KLHL20: variants seen among roughly 807,000 people sequenced by gnomAD.
The protein encoded by KLHL20 is kelch-like protein 20.
KLHL20 carries 29 observed loss-of-function variants against 69.5 expected under a neutral mutation model. The ratio of observed to expected loss-of-function variants is 0.42; its 90% CI spans 0.31 to 0.57. KLHL20 has a LOEUF of 0.57. KLHL20 is among the 20% of genes least tolerant of loss of function. The pLI is 0.18. For missense variants in KLHL20, 419 were observed against 776.0 expected, an observed-to-expected ratio of 0.54 and a Z score of 5.47; for synonymous variants, 253 against 265.2, an observed-to-expected ratio of 0.95 and a Z score of 0.45.
Position 173,735,200 on chromosome 1 carries a change from C to A in KLHL20, c.597+914C>A, listed in dbSNP as rs113130143. ...GTGGCACATGCCTGTGATCCCAGCA[C>A]TTTGGGAGGCTGAGGCGGGCAGATT... is the stretch of plus-strand genomic sequence containing the variant. On this transcript the variant is annotated intron_variant, in intron 3 of 11. Transcript: ENST00000209884. Among the ~76,000 whole-genome samples the A allele has an allele frequency of 9.3e-3, 1,412 of 152,296 alleles. 21 individuals carry two copies. The highest frequency in any genetic ancestry group is 0.031 in the African/African-American group (1,285 of 41,560).
chr1:173,753,341 C>T, intron 5 of KLHL20, 34 bp downstream of exon 5: 3 of 1,449,812 alleles, frequency 2.1e-6, no homozygotes, highest in Non-Finnish European at 2.9e-6. Context: ...AAATCAACAA[C>T]TAAGCATTCC....
intron 10 of KLHL20, among the ~76,000 whole-genome samples, chr1:173,777,415 C>T (rs533659442): frequency 6.6e-6 from 1 of 152,192 alleles, no homozygotes; most frequent in East Asian, 1.9e-4. Flanking sequence ...TTTCTTTTGT[C>T]CCATTGCTCT....
intron 8 of KLHL20, among the ~76,000 whole-genome samples, chr1:173,773,599 A>G (rs1346445421): frequency 6.6e-6 from 1 of 152,106 alleles, no homozygotes; most frequent in Non-Finnish European, 1.5e-5. Flanking sequence ...AGAGAGTAAC[A>G]GCCATCACCC....
At chr1:173,752,852 A>G (rs1423809600) in intron 4 of KLHL20, among the ~76,000 whole-genome samples, 1 of 152,150 alleles carries the variant, frequency 6.6e-6, no homozygotes, top group Admixed American at 6.5e-5. Context: ...TAAATAGCTT[A>G]TAGATGAGAG....
chr1:173,771,910 T>C (rs1414319802), intron 8 of KLHL20, among the ~76,000 whole-genome samples: 2 of 152,252 alleles, frequency 1.3e-5, no homozygotes, highest in Admixed American at 6.5e-5. Flanking sequence ...TATTCTGTTA[T>C]GTGTATAAAT....
intron 8 of KLHL20, among the ~76,000 whole-genome samples, chr1:173,766,596 C>A (rs1647728172): frequency 6.7e-6 from 1 of 148,210 alleles, no homozygotes; most frequent in African/African-American, 2.5e-5. Context: ...GAGCTGAGAT[C>A]ACGCCACTGT....
intron 8 of KLHL20, among the ~76,000 whole-genome samples, chr1:173,769,725 G>A (rs543438338): frequency 6.7e-6 from 1 of 148,234 alleles, no homozygotes; most frequent in East Asian, 2.0e-4. Flanking sequence ...AGGCTGCAGT[G>A]AGCCATGATT....
chr1:173,774,582 C>T, intron 9 of KLHL20, 144 bp downstream of exon 9: 1 of 769,472 alleles, frequency 1.3e-6, no homozygotes, highest in East Asian at 2.6e-5. Flanking sequence ...GAGTGCAGCT[C>T]TCAGCTCTTC....
At chr1:173,731,482 G>C (rs1235081256) in intron 2 of KLHL20, among the ~76,000 whole-genome samples, 2 of 152,122 alleles carry the variant, frequency 1.3e-5, no homozygotes, top group Non-Finnish European at 2.9e-5. Context: ...GTCCAACAGT[G>C]ATAGCCTGAA....
intron 9 of KLHL20, among the ~76,000 whole-genome samples, chr1:173,774,740 C>CAAAAA (rs10631783): frequency 5.9e-5 from 9 of 151,824 alleles, no homozygotes; most frequent in Non-Finnish European, 8.8e-5. Context: ...AACTTCTCCT[C>CAAAAA]AAAACCACAA....
intron 4 of KLHL20, among the ~76,000 whole-genome samples, chr1:173,752,316 C>T (rs941599209): frequency 6.6e-6 from 1 of 151,658 alleles, no homozygotes; most frequent in Non-Finnish European, 1.5e-5. Context: ...ACTCCACATT[C>T]GTCTGTAAGA....
At chr1:173,730,646 C>A (rs1339358476) in intron 2 of KLHL20, among the ~76,000 whole-genome samples, 2 of 152,142 alleles carry the variant, frequency 1.3e-5, no homozygotes, top group Non-Finnish European at 2.9e-5. Context: ...ATAAATGGTG[C>A]TGGGAAAACT....
intron 8 of KLHL20, among the ~76,000 whole-genome samples, chr1:173,772,297 C>T (rs976460237): frequency 7.2e-5 from 11 of 152,130 alleles, no homozygotes; most frequent in African/African-American, 2.2e-4. Context: ...TGTCAAAGAC[C>T]GCTAAGAGTC....
At chr1:173,764,962 G>A (rs928841602) in intron 7 of KLHL20, among the ~76,000 whole-genome samples, 5 of 152,096 alleles carry the variant, frequency 3.3e-5, no homozygotes, top group Non-Finnish European at 5.9e-5. Context: ...TAACAATTTA[G>A]CCTATATATG....
chr1:173,732,277 G>A (rs969550123), intron 2 of KLHL20, among the ~76,000 whole-genome samples: 7 of 150,918 alleles, frequency 4.6e-5, no homozygotes, highest in African/African-American at 1.7e-4. Context: ...AGGAGTTCAA[G>A]ACCAGCGTGG....
intron 4 of KLHL20, among the ~76,000 whole-genome samples, chr1:173,752,124 T>G (rs1453282575): frequency 4.0e-5 from 6 of 150,276 alleles, no homozygotes; most frequent in Admixed American, 4.0e-4. Context: ...TAGTCCCAGC[T>G]ACTTGGGAGC....
chr1:173,774,898 C>T (rs1648355446), intron 9 of KLHL20, among the ~76,000 whole-genome samples: 1 of 152,128 alleles, frequency 6.6e-6, no homozygotes, highest in African/African-American at 2.4e-5. Context: ...GCAACCTCTA[C>T]CTCCCGGACT....
At chr1:173,762,830 C>T (rs1256250078) in intron 7 of KLHL20, among the ~76,000 whole-genome samples, 2 of 152,080 alleles carry the variant, frequency 1.3e-5, no homozygotes, top group Non-Finnish European at 1.5e-5. Context: ...CAAGGATGCC[C>T]ACTCTCACCA....
At chr1:173,775,992 T>G in intron 10 of KLHL20, 150 bp downstream of exon 10, 1 of 673,250 alleles carries the variant, frequency 1.5e-6, no homozygotes, top group Non-Finnish European at 2.5e-6. Flanking sequence ...CATATGATAT[T>G]TCTATTTTTA....
Sources: allele counts gnomAD v4.1 joint callset (sites outside exome capture counted in the v4.1 genomes callset), GRCh38; gene constraint gnomAD v4.1.1; transcripts MANE v1.5; gene names NCBI Gene and HGNC (gene_info 2026-07-23, HGNC 2026-07-21).